TRPC7: variants seen among roughly 807,000 people sequenced by gnomAD.
The protein encoded by TRPC7 is short transient receptor potential channel 7.
In TRPC7, 42 loss-of-function variants were observed where a neutral mutation model predicts 90.1. The observed-to-expected ratio is 0.47, with a 90% confidence interval of 0.36 to 0.60. The LOEUF (loss-of-function observed/expected upper bound fraction) is 0.60, where lower values mean the gene tolerates loss of function less well. Among genes scored for constraint, TRPC7 ranks in the 20% least tolerant of loss-of-function variants. The pLI, the probability that TRPC7 is intolerant of heterozygous loss-of-function variation, is 0.00. For synonymous variants in TRPC7, 451 were observed against 436.3 expected, an observed-to-expected ratio of 1.03 and a Z score of -0.42; for missense variants, 955 against 1,112.3, an observed-to-expected ratio of 0.86 and a Z score of 2.01.
At chr5:136,250,116 G>A (rs1756472856) in intron 6 of TRPC7, among the ~76,000 whole-genome samples, 1 of 152,162 alleles carries the variant, frequency 6.6e-6, no homozygotes, top group Non-Finnish European at 1.5e-5. Context: ...ACAAGACAGA[G>A]GATAATATCC....
chr5:136,270,897 C>T (rs757542987), intron 4 of TRPC7, among the ~76,000 whole-genome samples: 3 of 152,306 alleles, frequency 2.0e-5, no homozygotes, highest in Middle Eastern at 3.4e-3. Flanking sequence ...CACAAATTTC[C>T]TCTCCATGGC....
chr5:136,216,416 G>A, intron 10 of TRPC7, 141 bp from the exon 11 acceptor site: 1 of 688,174 alleles, frequency 1.5e-6, no homozygotes, highest in East Asian at 2.7e-5. Context: ...TCACTCTGGA[G>A]GGGTGCCCTG....
chr5:136,221,965 C>T (rs1466773275), intron 10 of TRPC7: 5 of 152,032 alleles, frequency 3.3e-5, no homozygotes, highest in Non-Finnish European at 7.4e-5. Flanking sequence ...TACTTCCTGC[C>T]CCAACAAACT....
chr5:136,287,152 T>G (rs897329468), intron 3 of TRPC7, among the ~76,000 whole-genome samples: 1 of 152,182 alleles, frequency 6.6e-6, no homozygotes, highest in Non-Finnish European at 1.5e-5. Context: ...TCCTGGGAGA[T>G]GAGCCTGTCT....
At chr5:136,363,143 A>T (rs1760619580) in intron 1 of TRPC7, among the ~76,000 whole-genome samples, 1 of 152,194 alleles carries the variant, frequency 6.6e-6, no homozygotes, top group Non-Finnish European at 1.5e-5. Context: ...AAGTTGCTAG[A>T]TGAAGCAGCT....
intron 1 of TRPC7, among the ~76,000 whole-genome samples, chr5:136,362,988 C>A (rs1173239948): frequency 6.6e-6 from 1 of 152,092 alleles, no homozygotes; most frequent in East Asian, 1.9e-4. Context: ...TTGGTGTTTA[C>A]CAGCATCTTC....
intron 2 of TRPC7, among the ~76,000 whole-genome samples, chr5:136,320,914 C>A (rs1759177290): frequency 6.6e-6 from 1 of 152,144 alleles, no homozygotes; most frequent in African/African-American, 2.4e-5. Flanking sequence ...CTTATGACTG[C>A]CTGATGTACT....
At chr5:136,285,837 T>C (rs1217942499) in intron 3 of TRPC7, among the ~76,000 whole-genome samples, 1 of 152,238 alleles carries the variant, frequency 6.6e-6, no homozygotes, top group Non-Finnish European at 1.5e-5. Context: ...CTTGCCTCAG[T>C]GCCCCTCCAC....
intron 1 of TRPC7, among the ~76,000 whole-genome samples, chr5:136,358,067 T>C (rs951850222): frequency 1.2e-4 from 18 of 152,204 alleles, no homozygotes; most frequent in African/African-American, 3.9e-4. Context: ...CATTCTGTGC[T>C]GTTCTTTATG....
chr5:136,313,861 A>G (rs1165000903), intron 3 of TRPC7, among the ~76,000 whole-genome samples: 2 of 152,174 alleles, frequency 1.3e-5, no homozygotes, highest in Non-Finnish European at 2.9e-5. Flanking sequence ...TTCTGATCCA[A>G]ACTATCATGT....
chr5:136,258,870 A>C (rs75217598), intron 5 of TRPC7, among the ~76,000 whole-genome samples: 1 of 152,138 alleles, frequency 6.6e-6, no homozygotes, highest in East Asian at 1.9e-4. Context: ...ACTTCTCACC[A>C]TTGGTCCCCA....
At chr5:136,333,799 A>C (rs1561723080) in intron 2 of TRPC7, among the ~76,000 whole-genome samples, 1 of 152,258 alleles carries the variant, frequency 6.6e-6, no homozygotes, top group Admixed American at 6.5e-5. Flanking sequence ...TTTTCCTAAC[A>C]TGTTAATGTC....
chr5:136,287,569 C>T (rs1489656913), intron 3 of TRPC7, among the ~76,000 whole-genome samples: 3 of 151,794 alleles, frequency 2.0e-5, no homozygotes, highest in African/African-American at 4.8e-5. Context: ...GGCCCTAGCA[C>T]CAGCCTGGCT....
intron 3 of TRPC7, among the ~76,000 whole-genome samples, chr5:136,275,284 G>T (rs1439147652): frequency 6.6e-6 from 1 of 151,964 alleles, no homozygotes; most frequent in Non-Finnish European, 1.5e-5. Context: ...CCTACTAGTT[G>T]GGTGACCTTG....
At chr5:136,244,291 A>G (rs191598964) in intron 7 of TRPC7, among the ~76,000 whole-genome samples, 9 of 151,580 alleles carry the variant, frequency 5.9e-5, no homozygotes, top group Non-Finnish European at 1.2e-4. Flanking sequence ...TCAGCCTCCC[A>G]GTGTTGGGAT....
chr5:136,254,949 T>G (rs1042437836), intron 5 of TRPC7, among the ~76,000 whole-genome samples: 29 of 152,148 alleles, frequency 1.9e-4, no homozygotes, highest in African/African-American at 7.2e-5. Flanking sequence ...AAGACTTTAG[T>G]AGAGGAAGTT....
chr5:136,302,725 G>A (rs1432586733), intron 3 of TRPC7, among the ~76,000 whole-genome samples: 2 of 152,170 alleles, frequency 1.3e-5, no homozygotes, highest in Non-Finnish European at 2.9e-5. Flanking sequence ...GCTGGAAAAT[G>A]GCACTTTCAA....
At chr5:136,297,093 G>A (rs1481653417) in intron 3 of TRPC7, among the ~76,000 whole-genome samples, 2 of 152,098 alleles carry the variant, frequency 1.3e-5, no homozygotes, top group Non-Finnish European at 1.5e-5. Context: ...TTCCCCCTTT[G>A]CTTTTGAGCT....
intron 1 of TRPC7, 92 bp from the exon 2 acceptor site, chr5:136,357,477 A>C: frequency 1.6e-6 from 2 of 1,281,880 alleles, no homozygotes; most frequent in South Asian, 1.5e-5. Context: ...AAAGAATATC[A>C]TGCTTGGAAT....
Sources: gnomAD v4.1 joint callset for allele counts (sites outside exome capture counted in the v4.1 genomes callset) on GRCh38, gnomAD v4.1.1 for gene constraint, MANE v1.5 for transcripts, NCBI Gene and HGNC (gene_info 2026-07-23, HGNC 2026-07-21) for gene names.